The following BPIFB2 variants were observed in gnomAD, a reference collection of about 807,000 sequenced individuals.
BPIFB2 encodes BPI fold containing family B member 2.
BPIFB2 carries 39 observed loss-of-function variants against 50.1 expected under a neutral mutation model. The observed-to-expected ratio is 0.78, with a 90% CI of 0.60 to 1.02. The LOEUF is 1.02. Ranked by LOEUF, BPIFB2 falls within the 50% of genes least tolerant of loss-of-function variation. BPIFB2 has a pLI of 0.00. For synonymous variants in BPIFB2, 280 were observed against 256.3 expected (o/e 1.09, Z -0.88); for missense variants, 574 against 585.8 (o/e 0.98, Z 0.21).
intron 5 of BPIFB2, 135 bp downstream of exon 5, chr20:33,014,091 A>T (rs1990324897): frequency 8.3e-7 from 1 of 1,209,058 alleles, no homozygotes; most frequent in Admixed American, 2.9e-5. Context: ...TGCTTGTTTT[A>T]TGTCGGAGGA....
At chr20:33,018,579 C>A in intron 8 of BPIFB2, 58 bp from the exon 9 acceptor site, 1 of 1,519,862 alleles carries the variant, frequency 6.6e-7, no homozygotes, top group Admixed American at 1.9e-5. Flanking sequence ...TGCCATGGAG[C>A]CACCTCCGTG....
At chr20:33,016,722 C>T (rs563454390) in intron 6 of BPIFB2, among the ~76,000 whole-genome samples, 18 of 152,384 alleles carry the variant, frequency 1.2e-4, no homozygotes, top group Admixed American at 1.0e-3. Context: ...CTCTCAGCCC[C>T]GTTGCAGCAG....
chr20:33,013,619 A>T (rs1990317841), intron 4 of BPIFB2, among the ~76,000 whole-genome samples, 191 bp from the exon 5 acceptor site: 1 of 152,020 alleles, frequency 6.6e-6, no homozygotes, highest in Non-Finnish European at 1.5e-5. Flanking sequence ...AACGTCTATG[A>T]CCCCAAGTGG....
chr20:33,019,422 G>A (rs911232330), intron 10 of BPIFB2, among the ~76,000 whole-genome samples, 158 bp from the exon 11 acceptor site: 4 of 151,988 alleles, frequency 2.6e-5, no homozygotes, highest in Admixed American at 1.3e-4. Context: ...CTTGTCCAGC[G>A]GCCTGTAAGA....
In BPIFB2 at chr20:33,017,193, T is replaced by C. The variant is rs6057701; in HGVS notation, c.577+91T>C. 9.4e-3 allele frequency: 11,848 copies of C among 1,257,824 alleles called. 383 individuals carry two copies. Among genetic ancestry groups the C allele is most frequent in the African/African-American group, 0.085 (5,707 of 66,790 alleles). The allele number at this position is 1,257,824 out of a possible 1,614,324, so 77.9% of individuals were successfully genotyped here. On this transcript the variant is annotated intron_variant, in intron 7 of 15. Transcript: ENST00000170150. ...CCAAAGGCTCCACTCTGGATCACGG[T>C]CGACCTCTAGGAGAGTCAGTTGTAG...
In BPIFB2 at chr20:33,020,586, A is replaced by G; in HGVS notation, c.1193A>G (p.Asp398Gly). ...GCCTCCTCCAACGTGGGCTTCATTG[A>G]TGTGAGTGTGGGGCTGGGGCCTCTA... ...TVASSNVGFI[D>G]TDQVRTLMGT... is the part of the protein sequence containing the mutation. The change falls in exon 13 of 16, where the codon GAT becomes GGT. Residue 398 changes from aspartate to glycine, a missense_variant and splice_region_variant. Physicochemically the swap from Asp to Gly is moderately conservative, Grantham distance 94. Coordinates refer to ENST00000170150, the MANE Select transcript of BPIFB2 (RefSeq NM_025227.3). 1 of 1,607,762 alleles carries G rather than the reference A, an allele frequency of 6.2e-7. No individual in the cohort carries two copies. The highest frequency in any genetic ancestry group is 8.5e-7 in the Non-Finnish European group (1 of 1,176,252).
chr20:33,013,719 G>A lies in BPIFB2; in HGVS notation c.309-91G>A, dbSNP rs1990319071. 17 of 1,509,458 alleles carry A rather than the reference G, an allele frequency of 1.1e-5. No individual in the cohort carries two copies. The South Asian group carries it at 2.2e-4, about 19-fold the overall frequency. 93.5% of individuals were successfully genotyped at this position (1,509,458 alleles called of 1,614,324 possible). ...CCTGCCTGGGCCAAGTGGAGGGCAG[G>A]CAGGGGCTGGGGAATTTGTAAGATC... On this transcript the variant is annotated intron_variant, in intron 4 of 15. Transcript: ENST00000170150.
rs768353960 is a variant in BPIFB2 at position 33,019,112 on chromosome 20, G to A, written c.906G>A (p.Pro302=). The change falls in exon 10 of 16, where the codon CCG becomes CCA. Residue 302 remains proline, a synonymous_variant. Coordinates refer to ENST00000170150, the MANE Select transcript of BPIFB2 (RefSeq NM_025227.3). ...CCTCTGCTCTGGGCCGGCTCATCCC[G>A]GAGGTCGGTGATGTTTCTGATCATT... ...LNTSALGRLI[P]EVARQFPEPM... 4.6e-5 allele frequency: 74 copies of A among 1,614,014 alleles called. No homozygotes were observed. The highest frequency in any genetic ancestry group is 7.7e-5 in the South Asian group (7 of 91,076).
chr20:33,016,770 C>G (rs1284516338), intron 6 of BPIFB2, among the ~76,000 whole-genome samples: 1 of 152,252 alleles, frequency 6.6e-6, no homozygotes, highest in Non-Finnish European at 1.5e-5. Context: ...GCTACGACCA[C>G]CTGGGCTGGG....
intron 3 of BPIFB2, 26 bp from the exon 4 acceptor site, chr20:33,012,774 ACTC>A: frequency 1.3e-6 from 2 of 1,562,180 alleles, no homozygotes; most frequent in Non-Finnish European, 1.8e-6. Flanking sequence ...AATGGGGGCC[ACTC>A]TGTCACCTTG....
rs2146351966 is a variant in BPIFB2, at chr20:33,015,440, TC to T, written c.463del (p.His155ThrfsTer15). The part of the protein sequence containing the change: ...ANEFDGSNST[S>X]HALLVLVQKH... ...CTTTCTGTGTTTCTCCCTCAGCACC[TC>T]CCACGCGCTGCTGGTCCTGGTGCAG... On this transcript the variant is annotated frameshift_variant, in exon 6 of 16. Coordinates refer to ENST00000170150, the MANE Select transcript of BPIFB2 (RefSeq NM_025227.3). LOFTEE classifies it high-confidence loss of function. 1 of 1,613,208 alleles carries T rather than the reference TC, an allele frequency of 6.2e-7. No individual in the cohort carries two copies.
rs769557130 is a variant in BPIFB2 at position 33,021,819 on chromosome 20, AC to A, written c.1335+22del. 1 of 1,605,728 alleles carries A rather than the reference AC, an allele frequency of 6.2e-7. No homozygotes were observed. Among genetic ancestry groups the A allele is most frequent in the Non-Finnish European group, 8.5e-7 (1 of 1,172,506 alleles). Reference sequence around the variant, plus strand: ...TATGAGGTGAGAGCCTTTGGGTGTGACCAGAGGGGCCTCCTTCACTCAGAGG... The same window carrying A: ...TATGAGGTGAGAGCCTTTGGGTGTGACAGAGGGGCCTCCTTCACTCAGAGG... On this transcript the variant is annotated intron_variant, in intron 15 of 15. Coordinates refer to ENST00000170150, the MANE Select transcript of BPIFB2 (RefSeq NM_025227.3).
intron 13 of BPIFB2, 70 bp downstream of exon 13, chr20:33,020,657 A>G: frequency 6.7e-7 from 1 of 1,489,720 alleles, no homozygotes; most frequent in South Asian, 1.3e-5. Flanking sequence ...TGGGGAAGAG[A>G]TGGCTGTGTA....
At chr20:33,018,853 T>A (rs1395663927) in intron 9 of BPIFB2, 31 bp downstream of exon 9, 1 of 1,595,642 alleles carries the variant, frequency 6.3e-7, no homozygotes, top group South Asian at 1.1e-5. Flanking sequence ...CCAGGGCCTG[T>A]GGGGCAAGAG....
At chr20:33,013,750 T>TCAGTCATGGTGG (rs1182857230) in intron 4 of BPIFB2, 60 bp from the exon 5 acceptor site, 14 of 1,562,866 alleles carry the variant, frequency 9.0e-6, no homozygotes, top group Non-Finnish European at 1.2e-5. Flanking sequence ...AGATCTATCA[T>TCAGTCATGGTGG]CAGTCATGGT....
chr20:33,019,106 C>G lies in BPIFB2; in HGVS notation c.900C>G (p.Leu300=), dbSNP rs749106612. 3 of 1,614,162 alleles carry G rather than the reference C, an allele frequency of 1.9e-6. No homozygotes were observed. The highest frequency in any genetic ancestry group is 2.5e-6 in the Non-Finnish European group (3 of 1,180,022). Residue 300 remains leucine, a synonymous_variant, in exon 10 of 16, where the codon CTC becomes CTG. Coordinates refer to ENST00000170150, the MANE Select transcript of BPIFB2 (RefSeq NM_025227.3). ...NLLNTSALGR[L]IPEVARQFPE... ...TGAACACCTCTGCTCTGGGCCGGCT[C>G]ATCCCGGAGGTCGGTGATGTTTCTG...
intron 6 of BPIFB2, 139 bp downstream of exon 6, chr20:33,015,635 T>G (rs1978393001): frequency 2.6e-6 from 2 of 776,852 alleles, no homozygotes; most frequent in Non-Finnish European, 2.0e-6. Flanking sequence ...ATGGTCCCCA[T>G]GAAGGCAGGG....
At chr20:33,020,205 A>T in intron 11 of BPIFB2, 123 bp from the exon 12 acceptor site, 1 of 913,684 alleles carries the variant, frequency 1.1e-6, no homozygotes, top group Non-Finnish European at 1.7e-6. Flanking sequence ...GGGGCCTGGC[A>T]CATAGCAGGG....
chr20:33,019,162 G>A, intron 10 of BPIFB2, 47 bp downstream of exon 10: 2 of 1,608,396 alleles, frequency 1.2e-6, no homozygotes. Flanking sequence ...AAGGGACTGG[G>A]GTGGGGGTTC....
Sources: allele counts gnomAD v4.1 joint callset (sites outside exome capture counted in the v4.1 genomes callset), GRCh38; gene constraint gnomAD v4.1.1; transcripts MANE v1.5; gene names NCBI Gene and HGNC (gene_info 2026-07-23, HGNC 2026-07-21).